Variants in PRKN observed in about 807,000 individuals in gnomAD.
PRKN encodes the protein parkin RBR E3 ubiquitin protein ligase, also known as E3 ubiquitin-protein ligase parkin.
A neutral mutation model predicts 59.5 loss-of-function variants in PRKN; 56 were observed. The observed-to-expected ratio is 0.94, with a 90% CI of 0.76 to 1.18. The LOEUF (loss-of-function observed/expected upper bound fraction) is 1.18. Ranked by LOEUF, PRKN falls within the 50% of genes most tolerant of loss-of-function variation. The pLI, the probability that PRKN is intolerant of heterozygous loss-of-function variation, is 0.00. For synonymous variants in PRKN, 250 were observed against 222.1 expected (o/e 1.13, Z -1.12); for missense variants, 657 against 596.4 (o/e 1.10, Z -1.06).
chr6:161,929,681 A>T (rs1779098957), intron 6 of PRKN, among the ~76,000 whole-genome samples: 1 of 151,302 alleles, frequency 6.6e-6, no homozygotes, highest in Non-Finnish European at 1.5e-5. Flanking sequence ...ACGCCACCAC[A>T]CCTGGCTAAT....
At chr6:162,393,155 C>CTTTTATTTTTTTTTTTT (rs1787291002) in intron 2 of PRKN, among the ~76,000 whole-genome samples, 1 of 80,190 alleles carries the variant, frequency 1.2e-5, no homozygotes, top group African/African-American at 5.4e-5. Flanking sequence ...ATAGGAGATT[C>CTTTTATTTTTTTTTTTT]TTTTTTTTTT....
chr6:161,762,788 C>T (rs1314507148), intron 7 of PRKN, among the ~76,000 whole-genome samples: 2 of 152,104 alleles, frequency 1.3e-5, no homozygotes, highest in Admixed American at 1.3e-4. Context: ...CATTCTAGGC[C>T]ACCATTGCTC....
intron 6 of PRKN, among the ~76,000 whole-genome samples, chr6:161,830,846 C>T (rs73785430): frequency 4.1e-4 from 62 of 152,082 alleles, no homozygotes; most frequent in African/African-American, 1.3e-3. Flanking sequence ...TTGCTTTGTC[C>T]GCAACCTCCT....
intron 7 of PRKN, among the ~76,000 whole-genome samples, chr6:161,729,784 T>C (rs1265369145): frequency 6.6e-6 from 1 of 152,206 alleles, no homozygotes; most frequent in Non-Finnish European, 1.5e-5. Context: ...AGGTGTTGCA[T>C]TCTGACATGC....
chr6:162,323,379 T>C (rs542022946), intron 2 of PRKN, among the ~76,000 whole-genome samples: 2 of 151,914 alleles, frequency 1.3e-5, no homozygotes, highest in Admixed American at 6.6e-5. Context: ...CAAAAATCTA[T>C]AAAAATCTAT....
In PRKN at chr6:161,561,447, C is replaced by G. The variant is rs1015172641; in HGVS notation, c.933+7908G>C. Among the ~76,000 whole-genome samples the G allele has an allele frequency of 6.6e-6, 1 of 152,160 alleles. No homozygotes were observed. The highest frequency in any genetic ancestry group is 1.5e-5 in the Non-Finnish European group (1 of 68,034). ...ATGTGCTCAACAGATGTTTCCTAAG[C>G]ACACTCTAAGTGTCAAGTACTCTTC... On this transcript the variant is annotated intron_variant, in intron 8 of 11. Coordinates refer to ENST00000366898, the MANE Select transcript of PRKN (RefSeq NM_004562.3). This position sits in a 1 kb window ranked among gnomAD's most constrained non-coding sequence, Gnocchi z 5.0.
chr6:162,503,046 A>G (rs898028681), intron 1 of PRKN, among the ~76,000 whole-genome samples: 11 of 151,612 alleles, frequency 7.3e-5, no homozygotes, highest in Admixed American at 6.6e-5. Flanking sequence ...CTGTTTTTGA[A>G]GCATCAAATT....
At chr6:161,888,602 G>C (rs117364628) in intron 6 of PRKN, among the ~76,000 whole-genome samples, 1 of 152,066 alleles carries the variant, frequency 6.6e-6, no homozygotes, top group East Asian at 1.9e-4. Flanking sequence ...CATTTTTTCC[G>C]GTTGATTTTC....
At position 161,805,533 on chromosome 6, in the gene PRKN, C is replaced by G. The variant is rs899433755; in HGVS notation, c.735-19625G>C. ...AGCTCCCTGTTTGTGCTTTCATCTTCTGATGACCAGATCCTGTCTTTACTA... is the reference window on the plus strand; with the variant it reads ...AGCTCCCTGTTTGTGCTTTCATCTTGTGATGACCAGATCCTGTCTTTACTA... On this transcript the variant is annotated intron_variant, in intron 6 of 11. Coordinates refer to ENST00000366898, the MANE Select transcript of PRKN (RefSeq NM_004562.3). Among the ~76,000 whole-genome samples the G allele has an allele frequency of 5.9e-5, 9 of 152,068 alleles. 1 individual carries two copies. The highest frequency in any genetic ancestry group is 2.2e-4 in the African/African-American group (9 of 41,488).
intron 2 of PRKN, among the ~76,000 whole-genome samples, chr6:162,380,722 T>C (rs1786434005): frequency 6.6e-6 from 1 of 151,794 alleles, no homozygotes; most frequent in South Asian, 2.1e-4. Flanking sequence ...TGCTCTCTAC[T>C]GTTTAAAAAA....
At chr6:162,162,332 G>A (rs560331584) in intron 4 of PRKN, among the ~76,000 whole-genome samples, 3 of 152,252 alleles carry the variant, frequency 2.0e-5, no homozygotes, top group Admixed American at 6.5e-5. Context: ...AAGGATATGC[G>A]TAGGTTATGT....
chr6:161,750,804 C>A (rs73599150), intron 7 of PRKN, among the ~76,000 whole-genome samples: 1 of 151,130 alleles, frequency 6.6e-6, no homozygotes, highest in African/African-American at 2.4e-5. Context: ...ATTCTGTCCA[C>A]GGAATTGATT....
chr6:161,483,373 CATGATA>C lies in PRKN; in HGVS notation c.1083+65475_1083+65480del, dbSNP rs889949707. ...CCATGTCGGCTTCCCCCTGAAAATC[CATGATA>C]AAGATTGAGCGTGGTTGAAAGGCTT... On this transcript the variant is annotated intron_variant, in intron 9 of 11. Coordinates refer to ENST00000366898, the MANE Select transcript of PRKN (RefSeq NM_004562.3). The surrounding 1 kb of genome is among the most constrained non-coding windows in gnomAD (Gnocchi z 5.0). Among the ~76,000 whole-genome samples the C allele has an allele frequency of 2.6e-5, 4 of 152,106 alleles. No individual in the cohort carries two copies. Among genetic ancestry groups the C allele is most frequent in the African/African-American group, 9.7e-5 (4 of 41,416 alleles).
At chr6:161,997,049 C>T (rs781206640) in intron 5 of PRKN, among the ~76,000 whole-genome samples, 3 of 152,044 alleles carry the variant, frequency 2.0e-5, no homozygotes, top group Non-Finnish European at 4.4e-5. Context: ...CAATTGCGTT[C>T]TCGAATGACA....
At chr6:162,257,335 A>G (rs1031054313) in intron 3 of PRKN, among the ~76,000 whole-genome samples, 1 of 152,156 alleles carries the variant, frequency 6.6e-6, no homozygotes, top group Non-Finnish European at 1.5e-5. Flanking sequence ...AAATTCTGAA[A>G]AAGTAGTATA....
At chr6:161,997,488 T>C (rs1481322422) in intron 5 of PRKN, among the ~76,000 whole-genome samples, 1 of 152,022 alleles carries the variant, frequency 6.6e-6, no homozygotes, top group Non-Finnish European at 1.5e-5. Flanking sequence ...AAGCAAGAAA[T>C]TTCTTTTCCC....
At chr6:161,749,125 C>T (rs1228170049) in intron 7 of PRKN, among the ~76,000 whole-genome samples, 1 of 152,104 alleles carries the variant, frequency 6.6e-6, no homozygotes, top group Non-Finnish European at 1.5e-5. Context: ...AGCAGGTACG[C>T]CTAAGCTTCT....
intron 5 of PRKN, among the ~76,000 whole-genome samples, chr6:162,010,284 A>AATATATTTTATATATTTATTAT (rs1233162277): frequency 1.5e-4 from 19 of 125,288 alleles, no homozygotes; most frequent in East Asian, 6.9e-4. Flanking sequence ...ATGTATGATA[A>AATATATTTTATATATTTATTAT]ATATATTTTA....
intron 6 of PRKN, among the ~76,000 whole-genome samples, chr6:161,855,082 C>CAAAAAAAAAAAAA (rs1203185737): frequency 4.4e-5 from 2 of 45,584 alleles, no homozygotes; most frequent in Non-Finnish European, 4.6e-5. Flanking sequence ...GACTTCATCT[C>CAAAAAAAAAAAAA]AAAAAAAAAA....
Sources: allele counts gnomAD v4.1 joint callset (sites outside exome capture counted in the v4.1 genomes callset), GRCh38; gene constraint gnomAD v4.1.1; non-coding constraint Gnocchi (gnomAD v3.1); transcripts MANE v1.5; gene names NCBI Gene and HGNC (gene_info 2026-07-23, HGNC 2026-07-21).